Variants in SGCZ observed in about 807,000 individuals in gnomAD.
SGCZ encodes sarcoglycan zeta.
A neutral mutation model predicts 41.3 loss-of-function variants in SGCZ; 40 were observed. The ratio of observed to expected loss-of-function variants is 0.97; its 90% confidence interval spans 0.75 to 1.26. The LOEUF is 1.26. Among genes scored for constraint, SGCZ ranks in the 50% most tolerant of loss-of-function variants. The pLI is 0.00. For missense variants in SGCZ, 552 were observed against 369.8 expected, an observed-to-expected ratio of 1.49 and a Z score of -4.04; for synonymous variants, 206 against 137.5, an observed-to-expected ratio of 1.50 and a Z score of -3.49.
intron 1 of SGCZ, among the ~76,000 whole-genome samples, chr8:15,205,653 C>T (rs895624580): frequency 2.0e-5 from 3 of 152,118 alleles, no homozygotes; most frequent in Non-Finnish European, 4.4e-5. Flanking sequence ...TACACTGATA[C>T]ACTGTTGGTG....
chr8:14,133,750 C>CT lies in SGCZ; in HGVS notation c.548-25516dup, dbSNP rs1002898917. On this transcript the variant is annotated intron_variant, in intron 5 of 7. Transcript: ENST00000382080. Reference sequence around the variant, plus strand: ...ACAAAATTACTTTTGACAGTTTCTGCTTTTTTTTTAATGCTTCTTTAGGAG... The same window carrying CT: ...ACAAAATTACTTTTGACAGTTTCTGCTTTTTTTTTTAATGCTTCTTTAGGAG... 5.9e-3 allele frequency among the ~76,000 whole-genome samples: 889 copies of CT among 150,882 alleles called. 6 individuals are homozygous for CT. The highest frequency in any genetic ancestry group is 0.021 in the African/African-American group (851 of 41,196).
chr8:14,824,049 A>T (rs188362873), intron 1 of SGCZ, among the ~76,000 whole-genome samples: 1 of 152,088 alleles, frequency 6.6e-6, no homozygotes, highest in Non-Finnish European at 1.5e-5. Flanking sequence ...GGTAGAGGAT[A>T]TCATAGAAGC....
chr8:15,087,147 G>A (rs924476046), intron 1 of SGCZ, among the ~76,000 whole-genome samples: 14 of 152,000 alleles, frequency 9.2e-5, no homozygotes, highest in Admixed American at 5.9e-4. Context: ...AAAACCTACT[G>A]TATAGGATGA....
intron 1 of SGCZ, among the ~76,000 whole-genome samples, chr8:14,562,328 G>C (rs1390762347): frequency 7.2e-5 from 11 of 152,116 alleles, no homozygotes. Context: ...TTGGAAGGTA[G>C]AGGTCAAGAT....
At chr8:14,884,350 T>C (rs1008675599) in intron 1 of SGCZ, among the ~76,000 whole-genome samples, 1 of 152,124 alleles carries the variant, frequency 6.6e-6, no homozygotes, top group Non-Finnish European at 1.5e-5. Flanking sequence ...AGGAACAGTG[T>C]GATATAACTA....
At chr8:14,966,490 CA>C (rs1329406737) in intron 1 of SGCZ, among the ~76,000 whole-genome samples, 11 of 151,916 alleles carry the variant, frequency 7.2e-5, no homozygotes, top group African/African-American at 2.4e-4. Context: ...TTTGTGTATT[CA>C]AATTTTTACA....
At chr8:14,851,362 C>T (rs1393345235) in intron 1 of SGCZ, among the ~76,000 whole-genome samples, 2 of 93,808 alleles carry the variant, frequency 2.1e-5, no homozygotes, top group Admixed American at 1.5e-4. Context: ...GAGCGAGACT[C>T]CATCTCAAAA....
intron 1 of SGCZ, among the ~76,000 whole-genome samples, chr8:15,201,640 A>C (rs888217265): frequency 2.0e-5 from 3 of 152,200 alleles, no homozygotes; most frequent in African/African-American, 7.2e-5. Context: ...ATGGCTTGTG[A>C]AACTGCTCCT....
chr8:14,135,631 G>T (rs781244328), intron 5 of SGCZ, among the ~76,000 whole-genome samples: 16 of 152,122 alleles, frequency 1.1e-4, no homozygotes, highest in Non-Finnish European at 2.1e-4. Context: ...GAATAGTCCT[G>T]TAACTGTTAA....
Position 14,227,317 on chromosome 8 carries a change from A to G in SGCZ, c.424+10275T>C, listed in dbSNP as rs1303090482. 5.3e-5 allele frequency among the ~76,000 whole-genome samples: 8 copies of G among 152,146 alleles called. No individual in the cohort carries two copies. In the East Asian group the frequency reaches 1.4e-3, roughly 26 times the overall value. ...AGGTGATCTCCAAAATTTATGAATT[A>G]TTAACATGTTCTAATTCCTTTGGGA... On this transcript the variant is annotated intron_variant, in intron 4 of 7. Transcript: ENST00000382080.
intron 6 of SGCZ, among the ~76,000 whole-genome samples, chr8:14,104,935 C>G (rs1802155610): frequency 6.6e-6 from 1 of 151,952 alleles, no homozygotes. Flanking sequence ...GTTAATGGAT[C>G]TCAGATCCAA....
intron 1 of SGCZ, among the ~76,000 whole-genome samples, chr8:15,022,486 G>A (rs1401671833): frequency 6.6e-6 from 1 of 152,132 alleles, no homozygotes; most frequent in East Asian, 1.9e-4. Flanking sequence ...TGGGACTACA[G>A]GCATGAGCCA....
chr8:14,566,070 A>G (rs1804350166), intron 1 of SGCZ, among the ~76,000 whole-genome samples: 1 of 152,192 alleles, frequency 6.6e-6, no homozygotes, highest in African/African-American at 2.4e-5. Context: ...ATTCACAATG[A>G]ATATGTTTTA....
intron 1 of SGCZ, among the ~76,000 whole-genome samples, chr8:15,096,793 C>T (rs181721230): frequency 5.9e-5 from 9 of 152,060 alleles, no homozygotes; most frequent in African/African-American, 1.9e-4. Context: ...TCAAGGGATT[C>T]CCCTGCCTCA....
chr8:14,698,026 C>T (rs1484665927), intron 1 of SGCZ, among the ~76,000 whole-genome samples: 2 of 152,112 alleles, frequency 1.3e-5, no homozygotes, highest in African/African-American at 2.4e-5. Flanking sequence ...AAAAGGCCAA[C>T]ATTTCACATT....
At chr8:14,517,201 A>G (rs908301111) in intron 2 of SGCZ, among the ~76,000 whole-genome samples, 1 of 150,864 alleles carries the variant, frequency 6.6e-6, no homozygotes, top group African/African-American at 2.4e-5. Flanking sequence ...TTGGAAGACA[A>G]ACAAAAAAAT....
chr8:14,363,313 G>A (rs575549454), intron 2 of SGCZ, among the ~76,000 whole-genome samples: 12 of 152,182 alleles, frequency 7.9e-5, no homozygotes, highest in Admixed American at 5.2e-4. Context: ...TGGTAATAAG[G>A]GGAAAATACT....
chr8:14,950,080 A>G (rs1186897880), intron 1 of SGCZ, among the ~76,000 whole-genome samples: 1 of 152,044 alleles, frequency 6.6e-6, no homozygotes, highest in Non-Finnish European at 1.5e-5. Flanking sequence ...CAGGATCCAA[A>G]TGAGTCTAAA....
chr8:15,103,879 G>A (rs1179517798), intron 1 of SGCZ, among the ~76,000 whole-genome samples: 2 of 152,108 alleles, frequency 1.3e-5, no homozygotes, highest in African/African-American at 2.4e-5. Flanking sequence ...CAAATACGAA[G>A]CAAATAGAAA....
Sources: allele counts gnomAD v4.1 joint callset (sites outside exome capture counted in the v4.1 genomes callset), GRCh38; gene constraint gnomAD v4.1.1; transcripts MANE v1.5; gene names NCBI Gene and HGNC (gene_info 2026-07-23, HGNC 2026-07-21).